EHMT2: variants seen among roughly 807,000 people sequenced by gnomAD.
The protein encoded by EHMT2 is histone-lysine N-methyltransferase EHMT2.
EHMT2 carries 59 observed loss-of-function variants against 143.3 expected under a neutral mutation model. The observed-to-expected ratio is 0.41, with a 90% CI of 0.33 to 0.51. The LOEUF is 0.51. Ranked by LOEUF, EHMT2 falls within the 20% of genes least tolerant of loss-of-function variation. The pLI, the probability that EHMT2 is intolerant of heterozygous loss-of-function variation, is 0.18. For synonymous variants in EHMT2, 604 were observed against 651.5 expected (o/e 0.93, Z 1.11); for missense variants, 1,174 against 1,645.9 (o/e 0.71, Z 4.96).
In EHMT2 at chr6:31,888,312, G is replaced by A. The variant is rs1765170788; in HGVS notation, c.1510-36C>T. On this transcript the variant is annotated intron_variant, in intron 12 of 27. Coordinates refer to ENST00000375537, the Ensembl canonical transcript of EHMT2. The surrounding 1 kb of genome is among the most constrained non-coding windows in gnomAD (Gnocchi z 7.4). The stretch of plus-strand genomic sequence containing the variant: ...GGAAACGACATGGTCAGGTTACTGG[G>A]GCCCCCTCTGCCACAGGGCATGCTA... The A allele has an allele frequency of 1.2e-6, 2 of 1,611,788 alleles. No individual in the cohort carries two copies. Among genetic ancestry groups the A allele is most frequent in the Non-Finnish European group, 1.7e-6 (2 of 1,179,296 alleles).
Position 31,888,322 on chromosome 6 carries a change from G to A in EHMT2, c.1509+41C>T, listed in dbSNP as rs1377528988. 1 of 1,611,752 alleles carries A rather than the reference G, an allele frequency of 6.2e-7. No homozygotes were observed. Among genetic ancestry groups the A allele is most frequent in the Non-Finnish European group, 8.5e-7 (1 of 1,179,252 alleles). ...TGGTCAGGTTACTGGGGCCCCCTCT[G>A]CCACAGGGCATGCTACCTGTCTGCC... On this transcript the variant is annotated intron_variant, in intron 12 of 27. Coordinates refer to ENST00000375537, the Ensembl canonical transcript of EHMT2. This position sits in a 1 kb window ranked among gnomAD's most constrained non-coding sequence, Gnocchi z 7.4.
chr6:31,892,807 G>A lies in EHMT2; in HGVS notation c.667+19C>T, dbSNP rs551381542. ...GAACAGACCACATCAAGCCACCGGGGGTGGGGGATGGGACTGACCTGAGGT... is the reference window on the plus strand; with the variant it reads ...GAACAGACCACATCAAGCCACCGGGAGTGGGGGATGGGACTGACCTGAGGT... On this transcript the variant is annotated intron_variant, in intron 5 of 27. Transcript: ENST00000375537. 1.9e-6 allele frequency: 3 copies of A among 1,611,742 alleles called. No individual in the cohort carries two copies. Among genetic ancestry groups the A allele is most frequent in the East Asian group, 2.2e-5 (1 of 44,876 alleles).
In EHMT2 at chr6:31,888,030, G is replaced by C; in HGVS notation, c.1745+11C>G. ...GAGGGAACAGACAGTACAGAAGGGG[G>C]AGGCCAGTACCTGGGCTGAGAAGTG... On this transcript the variant is annotated intron_variant, in intron 13 of 27. Coordinates refer to ENST00000375537, the Ensembl canonical transcript of EHMT2. The surrounding 1 kb of genome is among the most constrained non-coding windows in gnomAD (Gnocchi z 7.4). The C allele has an allele frequency of 2.5e-6, 4 of 1,572,618 alleles. No individual in the cohort carries two copies. Among genetic ancestry groups the C allele is most frequent in the Non-Finnish European group, 3.4e-6 (4 of 1,159,600 alleles).
At position 31,896,431 on chromosome 6, in the gene EHMT2, T is replaced by A. The variant is rs1766447723; in HGVS notation, c.414A>T (p.Gly138=). The change falls in exon 4 of 28, where the codon GGA becomes GGT. Residue 138 remains glycine, a synonymous_variant. Coordinates refer to ENST00000375537, the Ensembl canonical transcript of EHMT2. ...AACTCTGGACAGATGGAGGTGATTT[T>A]CCCGCCCCTGTCATTGACATCTTGG... 4 of 1,613,010 alleles carry A rather than the reference T, an allele frequency of 2.5e-6. No individual in the cohort carries two copies. The East Asian group carries it at 8.9e-5, about 36-fold the overall frequency.
In EHMT2 at chr6:31,880,897, C is replaced by T; in HGVS notation, c.3277-49G>A. The T allele has an allele frequency of 6.2e-7, 1 of 1,610,126 alleles. No homozygotes were observed. The highest frequency in any genetic ancestry group is 1.1e-5 in the South Asian group (1 of 90,992). On this transcript the variant is annotated intron_variant, in intron 26 of 27. Coordinates refer to ENST00000375537, the Ensembl canonical transcript of EHMT2. This position sits in a 1 kb window ranked among gnomAD's most constrained non-coding sequence, Gnocchi z 6.6. ...TCACATCTCCCCCGACCCTGCTTGC[C>T]CTCCCCACCCACTGACTCCCCAGTC...
rs747189741 is a variant in EHMT2, at chr6:31,888,412, C to A, written c.1460G>T (p.Arg487Leu). ...CGGGCAGCAGTGGTGTTTGACCATG[C>A]GGGCGCGGTGGGTCTCACAGAGCAC... Residue 487 changes from arginine to leucine, a missense_variant, in exon 12 of 28, where the codon CGC (arginine) becomes CTC (leucine). Around this residue, in one of 6 missense-constraint regions of EHMT2, gnomAD observed 608 missense variants for 903.7 expected, o/e 0.67. Transcript: ENST00000375537. The surrounding 1 kb of genome is among the most constrained non-coding windows in gnomAD (Gnocchi z 7.4). The A allele has an allele frequency of 1.7e-5, 27 of 1,612,592 alleles. No homozygotes were observed. The South Asian group carries it at 2.3e-4, about 14-fold the overall frequency.
At chr6:31,892,071 G>A (rs1025312610) in intron 7 of EHMT2, among the ~76,000 whole-genome samples, 2 of 152,098 alleles carry the variant, frequency 1.3e-5, no homozygotes, top group South Asian at 4.1e-4. Context: ...GGGAAACCCC[G>A]TCTCTACTAA....
At chr6:31,882,117 T>TTAAA (rs775955692) in intron 25 of EHMT2, among the ~76,000 whole-genome samples, 1 of 97,164 alleles carries the variant, frequency 1.0e-5, no homozygotes, top group Non-Finnish European at 2.4e-5. Context: ...AAAAATAAAT[T>TTAAA]AAAAAAAAAA....
chr6:31,897,629 T>C lies in EHMT2; in HGVS notation c.42+7A>G. 1 of 1,145,680 alleles carries C rather than the reference T, an allele frequency of 8.7e-7. No homozygotes were observed. Among genetic ancestry groups the C allele is most frequent in the Non-Finnish European group, 1.1e-6 (1 of 933,050 alleles). The allele number at this position is 1,145,680 out of a possible 1,614,324, so 71.0% of individuals were successfully genotyped here. ...ATGCACCCGCCTCTCCCCCTCCCCT[T>C]CCGCACCTCGGCGGCCGCCGCCGCT... On this transcript the variant is annotated splice_region_variant and intron_variant, in intron 1 of 27. Coordinates refer to ENST00000375537, the Ensembl canonical transcript of EHMT2.
intron 1 of EHMT2, 101 bp from the exon 2 acceptor site, chr6:31,897,090 C>G: frequency 6.8e-7 from 1 of 1,469,334 alleles, no homozygotes; most frequent in Non-Finnish European, 9.0e-7. Context: ...GCTCCGGGGC[C>G]TACCTCTTCC....
Position 31,889,665 on chromosome 6 carries a change from A to T in EHMT2, c.865-63T>A. 6.3e-7 allele frequency: 1 copy of T among 1,596,790 alleles called. No homozygotes were observed. The highest frequency in any genetic ancestry group is 8.5e-7 in the Non-Finnish European group (1 of 1,177,086). ...GACTCAGACAATGAGGTGAGTAAAG[A>T]AAACCACCACCACCATTGCCCCCCG... On this transcript the variant is annotated intron_variant, in intron 7 of 27. Transcript: ENST00000375537. The surrounding 1 kb of genome is among the most constrained non-coding windows in gnomAD (Gnocchi z 5.1).
chr6:31,880,609 A>G lies in EHMT2; in HGVS notation c.3452+64T>C. ...GGACACCAGGTACATGCCAGCCTTC[A>G]GGTCCCAGGTTTGCTGCATCTCCCA... On this transcript the variant is annotated intron_variant, in intron 27 of 27. Transcript: ENST00000375537. The surrounding 1 kb of genome is among the most constrained non-coding windows in gnomAD (Gnocchi z 6.6). 1 of 1,553,038 alleles carries G rather than the reference A, an allele frequency of 6.4e-7. No homozygotes were observed. Among genetic ancestry groups the G allele is most frequent in the Non-Finnish European group, 8.8e-7 (1 of 1,132,998 alleles).
intron 4 of EHMT2, chr6:31,893,495 A>T (rs1765973013): frequency 6.7e-6 from 2 of 298,672 alleles, no homozygotes; most frequent in Admixed American, 4.2e-5. Flanking sequence ...TGTCTTCTTA[A>T]TTTTTTTTTT....
rs1452091748 is a variant in EHMT2, at chr6:31,892,915, G to A, written c.583-5C>T. The A allele has an allele frequency of 1.3e-6, 2 of 1,556,872 alleles. No homozygotes were observed. The highest frequency in any genetic ancestry group is 1.2e-5 in the South Asian group (1 of 81,300). ...CCGCTTCTCAGGGACCGGGGGCTGT[G>A]GGCCGAGAGGGAGCACACTGAGGGT... On this transcript the variant is annotated splice_region_variant and splice_polypyrimidine_tract_variant and intron_variant, in intron 4 of 27. Transcript: ENST00000375537.
chr6:31,892,103 G>A lies in EHMT2; in HGVS notation c.864+304C>T, dbSNP rs189695849. Among the ~76,000 whole-genome samples, 478 of 152,214 alleles carry A rather than the reference G, an allele frequency of 3.1e-3. 2 individuals are homozygous for A. The highest frequency in any genetic ancestry group is 0.01 in the African/African-American group (423 of 41,530). On this transcript the variant is annotated intron_variant, in intron 7 of 27. Coordinates refer to ENST00000375537, the Ensembl canonical transcript of EHMT2. ...CTAAAAATACAAAAATTAGCCGGGC[G>A]TGGTGGCAGGTGCCTGTAATCCCAG... is the stretch of plus-strand genomic sequence containing the variant.
chr6:31,888,136 C>G lies in EHMT2; in HGVS notation c.1650G>C (p.Arg550=). 6.2e-7 allele frequency: 1 copy of G among 1,612,450 alleles called. No individual in the cohort carries two copies. Among genetic ancestry groups the G allele is most frequent in the Non-Finnish European group, 8.5e-7 (1 of 1,179,802 alleles). ...CGGCCGGTGGGGTCACCCCGTCACC[C>G]CGGGGGATGGTCACCTCTTGAGCTT... is the stretch of plus-strand genomic sequence containing the variant. Residue 550 remains arginine (R), a synonymous_variant, in exon 13 of 28, where the codon CGG becomes CGC. Coordinates refer to ENST00000375537, the Ensembl canonical transcript of EHMT2. This position sits in a 1 kb window ranked among gnomAD's most constrained non-coding sequence, Gnocchi z 7.4.
chr6:31,889,251 G>A lies in EHMT2; in HGVS notation c.1091C>T (p.Pro364Leu). Residue 364 changes from proline to leucine, a missense_variant, in exon 9 of 28, where the codon CCT (proline) becomes CTT (leucine). Physicochemically the swap from Pro to Leu is moderately conservative, Grantham distance 98. This residue lies in a region of EHMT2 where 608 missense variants were observed against 903.7 expected (regional missense o/e 0.67). Coordinates refer to ENST00000375537, the Ensembl canonical transcript of EHMT2. This position sits in a 1 kb window ranked among gnomAD's most constrained non-coding sequence, Gnocchi z 5.1. The stretch of plus-strand genomic sequence containing the variant: ...ACCTCGTGGCTCCTTGGCCCGCGGA[G>A]GCTCCCGCTTGCGCCGTTTCCGAGA... 1.2e-6 allele frequency: 2 copies of A among 1,610,862 alleles called. No homozygotes were observed. Among genetic ancestry groups the A allele is most frequent in the Non-Finnish European group, 1.7e-6 (2 of 1,179,446 alleles).
At chr6:31,896,867 A>T (rs546364077) in intron 2 of EHMT2, 43 bp from the exon 3 acceptor site, 2 of 1,611,956 alleles carry the variant, frequency 1.2e-6, no homozygotes, top group African/African-American at 2.7e-5. Context: ...GGCTCAGGAG[A>T]TCCTGTGTTT....
chr6:31,891,017 A>G (rs1220428422), intron 7 of EHMT2, among the ~76,000 whole-genome samples: 1 of 151,038 alleles, frequency 6.6e-6, no homozygotes, highest in Non-Finnish European at 1.5e-5. Flanking sequence ...ATCTTGGCTC[A>G]CTGCAACCTC....
Sources: gnomAD v4.1 joint callset for allele counts (sites outside exome capture counted in the v4.1 genomes callset) on GRCh38, gnomAD v4.1.1 for gene constraint, gnomAD v4.1.1 regional missense constraint, Gnocchi (gnomAD v3.1) non-coding constraint, MANE v1.5 for transcripts, NCBI Gene and HGNC (gene_info 2026-07-23, HGNC 2026-07-21) for gene names.